The following FRYL variants were observed in gnomAD, a reference collection of about 807,000 sequenced individuals.
FRYL encodes the protein protein furry homolog-like.
Under a neutral mutation model 351.2 loss-of-function variants are expected in FRYL, and 150 were observed. The ratio of observed to expected loss-of-function variants is 0.43; its 90% CI spans 0.37 to 0.49. The LOEUF (loss-of-function observed/expected upper bound fraction) is 0.49, where lower values mean the gene tolerates loss of function less well. Ranked by LOEUF, FRYL falls within the 20% of genes least tolerant of loss-of-function variation. The pLI, the probability that FRYL is intolerant of heterozygous loss-of-function variation, is 0.00. For synonymous variants in FRYL, 1,153 were observed against 1,257.1 expected (o/e 0.92, Z 1.75); for missense variants, 3,036 against 3,619.3 (o/e 0.84, Z 4.13).
chr4:48,592,082 T>TATATATATATATATATATATA (rs888017807), intron 16 of FRYL, among the ~76,000 whole-genome samples: 48 of 116,202 alleles, frequency 4.1e-4, no homozygotes, highest in East Asian at 2.2e-3. Flanking sequence ...AATAAAGCTC[T>TATATATATATATATATATATA]TATATATATA....
chr4:48,504,103 C>T, intron 60 of FRYL, among the ~76,000 whole-genome samples: 1 of 151,936 alleles, frequency 6.6e-6, no homozygotes, highest in East Asian at 1.9e-4. Flanking sequence ...TAAAACAGTG[C>T]AGTTTTTGTG....
intron 1 of FRYL, among the ~76,000 whole-genome samples, chr4:48,728,475 C>A (rs183632977): frequency 1.4e-4 from 22 of 152,014 alleles, no homozygotes; most frequent in African/African-American, 5.1e-4. Flanking sequence ...ATAATAATGA[C>A]TGAGAATTTC....
At position 48,581,653 on chromosome 4, in the gene FRYL, C is replaced by T. The variant is rs187538152; in HGVS notation, c.1987-48G>A. ...CAAAATATAAAAATATATGCACAGACATTTCCGAAAAACAGTTAATAAAAA... is the reference window on the plus strand; with the variant it reads ...CAAAATATAAAAATATATGCACAGATATTTCCGAAAAACAGTTAATAAAAA... On this transcript the variant is annotated intron_variant, in intron 20 of 63. Transcript: ENST00000358350. 5 of 1,467,454 alleles carry T rather than the reference C, an allele frequency of 3.4e-6. No homozygotes were observed. The Admixed American group carries it at 1.1e-4, about 32-fold the overall frequency. 90.9% of individuals were successfully genotyped at this position (1,467,454 alleles called of 1,614,324 possible).
At chr4:48,505,686 A>G (rs1720757198) in intron 59 of FRYL, 71 bp from the exon 60 acceptor site, 1 of 905,592 alleles carries the variant, frequency 1.1e-6, no homozygotes, top group Non-Finnish European at 1.8e-6. Flanking sequence ...TCCATATACA[A>G]CACCAAACTT....
intron 1 of FRYL, among the ~76,000 whole-genome samples, chr4:48,742,550 A>G (rs1404889784): frequency 6.6e-6 from 1 of 152,166 alleles, no homozygotes; most frequent in Non-Finnish European, 1.5e-5. Flanking sequence ...TATTTAAAAT[A>G]GATTGATATT....
chr4:48,583,955 A>G (rs940929615), intron 19 of FRYL, among the ~76,000 whole-genome samples: 3 of 152,190 alleles, frequency 2.0e-5, no homozygotes, highest in Admixed American at 6.5e-5. Flanking sequence ...AAGTTCCTAA[A>G]GAGAGTTTAA....
At chr4:48,648,616 C>A (rs1261669353) in intron 3 of FRYL, among the ~76,000 whole-genome samples, 4 of 152,196 alleles carry the variant, frequency 2.6e-5, no homozygotes, top group Non-Finnish European at 4.4e-5. Flanking sequence ...CTTATCTGAG[C>A]CCCAATTTAC....
At chr4:48,528,733 ATT>A (rs1354500330) in intron 50 of FRYL, among the ~76,000 whole-genome samples, 1 of 152,108 alleles carries the variant, frequency 6.6e-6, no homozygotes, top group Admixed American at 6.6e-5. Flanking sequence ...TATTTGTTAA[ATT>A]TTGGCGCTTT....
At chr4:48,706,124 C>A (rs574697682) in intron 2 of FRYL, among the ~76,000 whole-genome samples, 4 of 152,160 alleles carry the variant, frequency 2.6e-5, no homozygotes, top group East Asian at 1.9e-4. Context: ...TGAGCCACTG[C>A]GCCTGGCCTC....
At chr4:48,741,161 A>C (rs1021387747) in intron 1 of FRYL, among the ~76,000 whole-genome samples, 1 of 152,170 alleles carries the variant, frequency 6.6e-6, no homozygotes, top group Non-Finnish European at 1.5e-5. Flanking sequence ...TGATCCCAGC[A>C]CTTTAGGAGG....
Position 48,712,255 on chromosome 4 carries a change from C to T in FRYL, c.-383-1557G>A, listed in dbSNP as rs538244185. Among the ~76,000 whole-genome samples, 1,257 of 152,024 alleles carry T rather than the reference C, an allele frequency of 8.3e-3. 21 individuals are homozygous for T. Among genetic ancestry groups the T allele is most frequent in the African/African-American group, 0.029 (1,190 of 41,472 alleles). On this transcript the variant is annotated intron_variant, in intron 1 of 63. Transcript: ENST00000358350. ...CGAGTTGAGAGAAGAAGGCTTCAGA[C>T]GATCAAACTACTCCGAGATACAGGA...
At chr4:48,501,457 T>C (rs1422788090) in intron 62 of FRYL, among the ~76,000 whole-genome samples, 166 bp downstream of exon 62, 2 of 152,230 alleles carry the variant, frequency 1.3e-5, no homozygotes, top group African/African-American at 2.4e-5. Flanking sequence ...TATTTACTCA[T>C]AGGTCCTGAC....
intron 1 of FRYL, among the ~76,000 whole-genome samples, chr4:48,765,034 G>A (rs558066599): frequency 1.6e-4 from 24 of 152,126 alleles, no homozygotes; most frequent in Admixed American, 1.4e-3. Context: ...TAGTAGAGAC[G>A]GGGTTTCACC....
chr4:48,576,712 C>T (rs1739692206), intron 23 of FRYL, among the ~76,000 whole-genome samples: 1 of 151,988 alleles, frequency 6.6e-6, no homozygotes, highest in African/African-American at 2.4e-5. Flanking sequence ...AAATATGTTA[C>T]CAGATCATTT....
chr4:48,531,410 A>T, intron 49 of FRYL, 57 bp from the exon 50 acceptor site: 1 of 1,024,244 alleles, frequency 9.8e-7, no homozygotes, highest in Non-Finnish European at 1.5e-6. Context: ...AACTAAGAAC[A>T]ACAATTTACT....
chr4:48,611,304 A>G (rs1196112074), intron 7 of FRYL, among the ~76,000 whole-genome samples: 3 of 151,876 alleles, frequency 2.0e-5, no homozygotes, highest in African/African-American at 7.2e-5. Context: ...TTATTATTGT[A>G]TTGTTACTTT....
intron 3 of FRYL, among the ~76,000 whole-genome samples, chr4:48,660,689 G>A (rs1193923792): frequency 6.6e-6 from 1 of 152,128 alleles, no homozygotes; most frequent in Non-Finnish European, 1.5e-5. Flanking sequence ...CCTCAGCCAG[G>A]AGATCAAGGT....
At chr4:48,766,258 G>A (rs983044093) in intron 1 of FRYL, among the ~76,000 whole-genome samples, 1 of 152,130 alleles carries the variant, frequency 6.6e-6, no homozygotes, top group Non-Finnish European at 1.5e-5. Flanking sequence ...ACACACGATG[G>A]CTACAATCTC....
chr4:48,630,070 C>T (rs771602210), intron 4 of FRYL, among the ~76,000 whole-genome samples: 10 of 151,956 alleles, frequency 6.6e-5, no homozygotes, highest in Non-Finnish European at 1.5e-4. Context: ...AGTCTAGTTC[C>T]CCAGAATGCT....
Sources: allele counts gnomAD v4.1 joint callset (sites outside exome capture counted in the v4.1 genomes callset), GRCh38; gene constraint gnomAD v4.1.1; transcripts MANE v1.5; gene names NCBI Gene and HGNC (gene_info 2026-07-23, HGNC 2026-07-21).